Variants in PRPSAP1 observed in about 807,000 individuals in gnomAD.
The protein encoded by PRPSAP1 is phosphoribosyl pyrophosphate synthetase associated protein 1, also known as phosphoribosyl pyrophosphate synthase-associated protein 1.
PRPSAP1 carries 31 observed loss-of-function variants against 39.4 expected under a neutral mutation model. The observed-to-expected ratio is 0.79, with a 90% confidence interval of 0.59 to 1.06. The LOEUF (loss-of-function observed/expected upper bound fraction) is 1.06, where lower values mean the gene tolerates loss of function less well. Ranked by LOEUF, PRPSAP1 falls within the 50% of genes least tolerant of loss-of-function variation. The probability of loss-of-function intolerance (pLI) is 0.00; values close to 1 mark genes in which losing one functional copy is unlikely to be tolerated. For synonymous variants in PRPSAP1, 212 were observed against 192.6 expected (o/e 1.10, Z -0.83); for missense variants, 430 against 511.6 (o/e 0.84, Z 1.54).
chr17:76,343,512 G>A (rs2071462355), intron 3 of PRPSAP1, among the ~76,000 whole-genome samples: 1 of 152,242 alleles, frequency 6.6e-6, no homozygotes, highest in Non-Finnish European at 1.5e-5. Flanking sequence ...TGGGGTCAGT[G>A]CAAACCATGG....
chr17:76,334,207 T>C (rs555573892), intron 3 of PRPSAP1, among the ~76,000 whole-genome samples: 1 of 152,310 alleles, frequency 6.6e-6, no homozygotes, highest in South Asian at 2.1e-4. Flanking sequence ...GTCAGGACTG[T>C]ATCTCCCTTC....
chr17:76,335,301 G>A (rs1354818182), intron 3 of PRPSAP1, among the ~76,000 whole-genome samples: 1 of 151,862 alleles, frequency 6.6e-6, no homozygotes, highest in South Asian at 2.1e-4. Context: ...TTTGGAGTCA[G>A]TTAATTTAGT....
chr17:76,340,577 C>T (rs550505505), intron 3 of PRPSAP1, among the ~76,000 whole-genome samples: 2 of 151,864 alleles, frequency 1.3e-5, no homozygotes, highest in South Asian at 2.1e-4. Flanking sequence ...TATGCTGTTT[C>T]TATGCTCGAC....
chr17:76,344,220 T>C (rs1209533126), intron 3 of PRPSAP1, among the ~76,000 whole-genome samples: 2 of 152,164 alleles, frequency 1.3e-5, no homozygotes, highest in Admixed American at 1.3e-4. Context: ...CTCTGCCTCC[T>C]GGGTTCACGC....
intron 3 of PRPSAP1, among the ~76,000 whole-genome samples, chr17:76,334,575 T>G (rs1031814385): frequency 3.3e-5 from 5 of 152,058 alleles, no homozygotes; most frequent in South Asian, 2.1e-4. Context: ...ACTTCCAATT[T>G]CACCCTTGTA....
chr17:76,340,661 C>G (rs555450288), intron 3 of PRPSAP1, among the ~76,000 whole-genome samples: 1 of 151,990 alleles, frequency 6.6e-6, no homozygotes, highest in African/African-American at 2.4e-5. Context: ...GAGGCCGAGG[C>G]GGGCAGATCA....
chr17:76,349,289 A>G (rs1339477686), intron 1 of PRPSAP1, among the ~76,000 whole-genome samples: 1 of 151,510 alleles, frequency 6.6e-6, no homozygotes, highest in Admixed American at 6.6e-5. Context: ...GGGTAACAAG[A>G]GCAAAACTCC....
intron 7 of PRPSAP1, among the ~76,000 whole-genome samples, chr17:76,316,960 A>C (rs983806414): frequency 2.9e-5 from 4 of 139,666 alleles, no homozygotes; most frequent in African/African-American, 1.0e-4. Context: ...TTCCTCTGCT[A>C]AAGTAAACAG....
At chr17:76,337,121 T>C (rs913124067) in intron 3 of PRPSAP1, among the ~76,000 whole-genome samples, 7 of 152,186 alleles carry the variant, frequency 4.6e-5, no homozygotes, top group African/African-American at 1.2e-4. Flanking sequence ...GGTCTCACCA[T>C]GTTGCCCAGC....
At chr17:76,344,938 A>C (rs1001042737) in intron 2 of PRPSAP1, among the ~76,000 whole-genome samples, 8 of 151,942 alleles carry the variant, frequency 5.3e-5, no homozygotes, top group Non-Finnish European at 1.2e-4. Context: ...CTGTCTCTAC[A>C]AAAAATACAA....
chr17:76,320,269 GAAAGAAAGAAAGA>G (rs1337409681), intron 7 of PRPSAP1, among the ~76,000 whole-genome samples: 3 of 48,910 alleles, frequency 6.1e-5, no homozygotes, highest in Non-Finnish European at 1.4e-4. Flanking sequence ...AGAAAGAAAA[GAAAGAAAGAAAGA>G]AAAGAAAGAA....
rs149763636 is a variant in PRPSAP1, at chr17:76,320,353, A to AAGGAAGGAAGAAAGAT, written c.782-6463_782-6462insATCTTTCTTCCTTCCT. 6.2e-4 allele frequency among the ~76,000 whole-genome samples: 73 copies of AAGGAAGGAAGAAAGAT among 118,616 alleles called. 3 individuals are homozygous for AAGGAAGGAAGAAAGAT. Among genetic ancestry groups the AAGGAAGGAAGAAAGAT allele is most frequent in the African/African-American group, 2.6e-3 (67 of 25,740 alleles). 77.8% of individuals were successfully genotyped at this position (118,616 alleles called of 152,430 possible). A position where few individuals can be genotyped will look rare whatever the true frequency, so the allele number is the denominator to read the frequency against. On this transcript the variant is annotated intron_variant, in intron 7 of 9. Transcript: ENST00000446526. The stretch of plus-strand genomic sequence containing the variant: ...GGAGGGAGGGAGGGAGGAAGGAAGG[A>AAGGAAGGAAGAAAGAT]AGAAAAAGGAAGAAAGGCAGGCATA...
At position 76,346,814 on chromosome 17, in the gene PRPSAP1, C is replaced by T. The variant is rs1044454003; in HGVS notation, c.223+1715G>A. ...GGGAGGCTGAGGCAGGAGAATTGCT[C>T]GAACCTGGGAGGCAGAGGCTGCAGT... is the stretch of plus-strand genomic sequence containing the variant. On this transcript the variant is annotated intron_variant, in intron 2 of 9. Coordinates refer to ENST00000446526, the MANE Select transcript of PRPSAP1 (RefSeq NM_002766.3). Among the ~76,000 whole-genome samples the T allele has an allele frequency of 9.9e-5, 15 of 151,442 alleles. 1 individual carries two copies. Among genetic ancestry groups the T allele is most frequent in the Admixed American group, 7.9e-4 (12 of 15,168 alleles).
chr17:76,332,945 C>G (rs2143506172), intron 3 of PRPSAP1, among the ~76,000 whole-genome samples: 1 of 149,628 alleles, frequency 6.7e-6, no homozygotes, highest in East Asian at 2.0e-4. Context: ...GGTTGGAGTG[C>G]AGTGGCGCGA....
intron 7 of PRPSAP1, among the ~76,000 whole-genome samples, chr17:76,318,503 A>G (rs913323416): frequency 1.3e-5 from 2 of 152,148 alleles, no homozygotes; most frequent in African/African-American, 4.8e-5. Context: ...TAAAAAATGC[A>G]AAGAGTCCAA....
At chr17:76,343,963 T>C (rs942995209) in intron 3 of PRPSAP1, among the ~76,000 whole-genome samples, 1 of 152,066 alleles carries the variant, frequency 6.6e-6, no homozygotes, top group Non-Finnish European at 1.5e-5. Context: ...CTTTTTTTTT[T>C]CTTTGGTGAG....
intron 1 of PRPSAP1, among the ~76,000 whole-genome samples, chr17:76,352,266 A>G (rs1233854860): frequency 1.3e-5 from 2 of 152,186 alleles, no homozygotes. Flanking sequence ...TATGTCTTAG[A>G]TTTCTAACAA....
intron 3 of PRPSAP1, among the ~76,000 whole-genome samples, chr17:76,338,716 AATAAAAT>A (rs1199729291): frequency 2.0e-5 from 3 of 151,580 alleles, no homozygotes; most frequent in African/African-American, 7.3e-5. Flanking sequence ...AAATAAATAA[AATAAAAT>A]ATAAAATATA....
At chr17:76,326,201 A>G (rs78041222) in intron 7 of PRPSAP1, among the ~76,000 whole-genome samples, 1,584 of 152,314 alleles carry the variant, frequency 0.01, 28 homozygotes, top group African/African-American at 0.036. Context: ...ATAGGGAAGA[A>G]GAGAAAGCTT....
Sources: gnomAD v4.1 joint callset for allele counts (sites outside exome capture counted in the v4.1 genomes callset) on GRCh38, gnomAD v4.1.1 for gene constraint, MANE v1.5 for transcripts, NCBI Gene and HGNC (gene_info 2026-07-23, HGNC 2026-07-21) for gene names.